GHR: variants seen among roughly 807,000 people sequenced by gnomAD.
GHR encodes growth hormone receptor, also known as GH receptor.
A neutral mutation model predicts 67.1 loss-of-function variants in GHR; 35 were observed. That is an observed-to-expected ratio of 0.52 (90% confidence interval 0.40 to 0.69). The LOEUF is 0.69. Among genes scored for constraint, GHR ranks in the 30% least tolerant of loss-of-function variants. The pLI, the probability that GHR is intolerant of heterozygous loss-of-function variation, is 0.00. For missense variants in GHR, 792 were observed against 764.6 expected (o/e 1.04, Z -0.42); for synonymous variants, 272 against 269.1 (o/e 1.01, Z -0.10).
chr5:42,590,748 A>G (rs1751732626), intron 2 of GHR, among the ~76,000 whole-genome samples: 1 of 152,248 alleles, frequency 6.6e-6, no homozygotes, highest in Non-Finnish European at 1.5e-5. Context: ...GCTTGTTGAC[A>G]TTCTAACAGG....
At chr5:42,605,321 G>A (rs1238564363) in intron 2 of GHR, among the ~76,000 whole-genome samples, 1 of 151,878 alleles carries the variant, frequency 6.6e-6, no homozygotes, top group South Asian at 2.1e-4. Context: ...GGTCAGGCTG[G>A]TGTCGAGCTC....
chr5:42,426,306 T>G (rs1742851907), intron 1 of GHR, among the ~76,000 whole-genome samples: 1 of 152,242 alleles, frequency 6.6e-6, no homozygotes. Context: ...TTGGCTAGCC[T>G]TCTTTGGCTA....
intron 3 of GHR, among the ~76,000 whole-genome samples, chr5:42,644,709 G>A (rs1340090311): frequency 1.3e-5 from 2 of 151,458 alleles, no homozygotes; most frequent in Non-Finnish European, 2.9e-5. Flanking sequence ...ATGGGTGAAA[G>A]CATATCATTA....
chr5:42,718,175 T>A, intron 9 of GHR, 54 bp downstream of exon 9: 1 of 905,846 alleles, frequency 1.1e-6, no homozygotes, highest in Non-Finnish European at 1.9e-6. Context: ...ACCTGAAGAC[T>A]CCTGTCATAT....
chr5:42,578,706 G>T (rs923686216), intron 2 of GHR, among the ~76,000 whole-genome samples: 24 of 152,138 alleles, frequency 1.6e-4, no homozygotes, highest in Non-Finnish European at 1.8e-4. Context: ...TTTAAATCTA[G>T]AAGTAGTTAA....
At chr5:42,510,955 A>T (rs1746989845) in intron 1 of GHR, among the ~76,000 whole-genome samples, 1 of 152,232 alleles carries the variant, frequency 6.6e-6, no homozygotes, top group African/African-American at 2.4e-5. Context: ...TGCTAAGGTT[A>T]TAATTCTGTT....
chr5:42,639,360 C>T (rs931862708), intron 3 of GHR, among the ~76,000 whole-genome samples: 4 of 152,152 alleles, frequency 2.6e-5, no homozygotes, highest in Non-Finnish European at 4.4e-5. Flanking sequence ...CTCACAGAAT[C>T]ATAATAGATG....
intron 1 of GHR, among the ~76,000 whole-genome samples, chr5:42,502,504 A>T (rs1020707111): frequency 1.3e-5 from 2 of 152,154 alleles, no homozygotes; most frequent in African/African-American, 4.8e-5. Flanking sequence ...TTGCCTAATC[A>T]TATTTAGAAA....
chr5:42,694,441 T>C (rs1757571412), intron 4 of GHR, among the ~76,000 whole-genome samples: 1 of 152,202 alleles, frequency 6.6e-6, no homozygotes, highest in Non-Finnish European at 1.5e-5. Flanking sequence ...ATATAATGCA[T>C]CACTCTGCCT....
At chr5:42,431,697 T>C (rs1447950875) in intron 1 of GHR, among the ~76,000 whole-genome samples, 1 of 152,206 alleles carries the variant, frequency 6.6e-6, no homozygotes, top group Non-Finnish European at 1.5e-5. Context: ...ATTATTATAT[T>C]CCCAATGAAT....
At chr5:42,594,486 G>A (rs2112606917) in intron 2 of GHR, among the ~76,000 whole-genome samples, 1 of 152,206 alleles carries the variant, frequency 6.6e-6, no homozygotes, top group Admixed American at 6.5e-5. Context: ...TTCTTAAAAT[G>A]TGAAGACTAC....
chr5:42,712,089 G>T (rs1758489639), intron 7 of GHR, among the ~76,000 whole-genome samples: 1 of 152,022 alleles, frequency 6.6e-6, no homozygotes, highest in African/African-American at 2.4e-5. Context: ...TTCTCAAATG[G>T]GAAATGGCTC....
At chr5:42,706,682 A>G (rs1467336348) in intron 6 of GHR, among the ~76,000 whole-genome samples, 2 of 152,070 alleles carry the variant, frequency 1.3e-5, no homozygotes, top group Non-Finnish European at 2.9e-5. Context: ...TTTGTCAAAT[A>G]TTAGTTGGTT....
intron 8 of GHR, 58 bp from the exon 9 acceptor site, chr5:42,717,994 A>G (rs1758802429): frequency 2.5e-6 from 2 of 813,124 alleles, no homozygotes; most frequent in Non-Finnish European, 4.4e-6. Context: ...ATCTTTTGCT[A>G]TAATTGAGAA....
chr5:42,691,746 C>A (rs867014238), intron 4 of GHR, among the ~76,000 whole-genome samples: 40 of 152,220 alleles, frequency 2.6e-4, no homozygotes, highest in African/African-American at 9.6e-4. Flanking sequence ...TGTGTTTTGC[C>A]TGGCTCTGCT....
At chr5:42,643,800 G>A (rs1211940594) in intron 3 of GHR, among the ~76,000 whole-genome samples, 1 of 151,440 alleles carries the variant, frequency 6.6e-6, no homozygotes, top group Non-Finnish European at 1.5e-5. Flanking sequence ...CACAATTCTG[G>A]TCCTACAAAA....
intron 1 of GHR, among the ~76,000 whole-genome samples, chr5:42,537,996 C>G (rs1308827402): frequency 6.6e-6 from 1 of 152,142 alleles, no homozygotes; most frequent in Non-Finnish European, 1.5e-5. Flanking sequence ...CTTTTGGTGT[C>G]CATTTGCATG....
At chr5:42,575,620 C>T (rs1417718115) in intron 2 of GHR, among the ~76,000 whole-genome samples, 1 of 151,662 alleles carries the variant, frequency 6.6e-6, no homozygotes, top group Non-Finnish European at 1.5e-5. Context: ...AATTTCTACA[C>T]ACTATCAGTT....
At chr5:42,560,079 TA>T (rs199692600) in intron 1 of GHR, among the ~76,000 whole-genome samples, 1 of 152,032 alleles carries the variant, frequency 6.6e-6, no homozygotes. Context: ...ATCACTTTTT[TA>T]AAAAAAATAC....
Sources: gnomAD v4.1 joint callset for allele counts (sites outside exome capture counted in the v4.1 genomes callset) on GRCh38, gnomAD v4.1.1 for gene constraint, MANE v1.5 for transcripts, NCBI Gene and HGNC (gene_info 2026-07-23, HGNC 2026-07-21) for gene names.